The following TMEM117 variants were observed in gnomAD, a reference collection of about 807,000 sequenced individuals.
The protein encoded by TMEM117 is transmembrane protein 117.
A neutral mutation model predicts 52.4 loss-of-function variants in TMEM117; 27 were observed. The ratio of observed to expected loss-of-function variants is 0.51; its 90% CI spans 0.38 to 0.71. The LOEUF (loss-of-function observed/expected upper bound fraction) is 0.71, where lower values mean the gene tolerates loss of function less well. Ranked by LOEUF, TMEM117 falls within the 30% of genes least tolerant of loss-of-function variation. The pLI, the probability that TMEM117 is intolerant of heterozygous loss-of-function variation, is 0.00. For missense variants in TMEM117, 556 were observed against 630.5 expected, an observed-to-expected ratio of 0.88 and a Z score of 1.26; for synonymous variants, 215 against 206.3, an observed-to-expected ratio of 1.04 and a Z score of -0.36.
At chr12:43,974,538 C>G (rs1287444073) in intron 3 of TMEM117, among the ~76,000 whole-genome samples, 1 of 152,092 alleles carries the variant, frequency 6.6e-6, no homozygotes, top group East Asian at 1.9e-4. Context: ...ATTAAATAAA[C>G]TTTAGATCGG....
At chr12:43,904,514 C>T (rs1178396477) in intron 2 of TMEM117, among the ~76,000 whole-genome samples, 1 of 152,146 alleles carries the variant, frequency 6.6e-6, no homozygotes, top group African/African-American at 2.4e-5. Flanking sequence ...TCTCCTGAGG[C>T]CCCAGCCAGC....
intron 2 of TMEM117, among the ~76,000 whole-genome samples, chr12:43,845,546 A>AT (rs1565716088): frequency 3.4e-4 from 51 of 151,892 alleles, no homozygotes; most frequent in African/African-American, 1.1e-3. Context: ...TTATTTTTAA[A>AT]ATTTTTTTTA....
chr12:44,377,966 T>TTAAATTCACTGGG (rs750391464), intron 7 of TMEM117, among the ~76,000 whole-genome samples: 3 of 152,216 alleles, frequency 2.0e-5, no homozygotes, highest in Non-Finnish European at 2.9e-5. Flanking sequence ...GGCCCATCTA[T>TTAAATTCACTGGG]TAAATTCACT....
upstream of TMEM117, among the ~76,000 whole-genome samples, chr12:43,831,806 G>A (rs891274005): frequency 1.3e-5 from 2 of 152,086 alleles, no homozygotes; most frequent in East Asian, 1.9e-4. Flanking sequence ...CTTTTTCAAA[G>A]TGCTGGCATT....
chr12:44,004,746 C>T (rs533384969), intron 3 of TMEM117, among the ~76,000 whole-genome samples: 1 of 152,246 alleles, frequency 6.6e-6, no homozygotes, highest in Admixed American at 6.5e-5. Context: ...CAGCCATCAC[C>T]TCCCCTCCAT....
chr12:43,946,378 G>GTTTTTTTTTTTTTTTTTTTTTTTTTTT (rs1244597058), intron 3 of TMEM117, among the ~76,000 whole-genome samples: 2 of 113,494 alleles, frequency 1.8e-5, no homozygotes, highest in Non-Finnish European at 1.7e-5. Context: ...ATATAATTCT[G>GTTTTTTTTTTTTTTTTTTTTTTTTTTT]TTTTTTTTTT....
At chr12:44,355,604 G>T (rs1265682095) in intron 6 of TMEM117, among the ~76,000 whole-genome samples, 1 of 152,086 alleles carries the variant, frequency 6.6e-6, no homozygotes, top group Admixed American at 6.6e-5. Flanking sequence ...TGCTTTGAGA[G>T]TAGAAGGAAC....
chr12:44,063,020 T>C (rs1176750526), intron 3 of TMEM117, among the ~76,000 whole-genome samples: 2 of 152,208 alleles, frequency 1.3e-5, no homozygotes, highest in Non-Finnish European at 2.9e-5. Flanking sequence ...AATGATGTCA[T>C]GCACCTGCTG....
At chr12:44,191,989 ATTGATGTATG>A (rs1183153721) in intron 4 of TMEM117, among the ~76,000 whole-genome samples, 1 of 152,206 alleles carries the variant, frequency 6.6e-6, no homozygotes, top group Non-Finnish European at 1.5e-5. Context: ...TACAAATTTT[ATTGATGTATG>A]TAAGACCAGA....
At chr12:44,003,586 A>G (rs999181068) in intron 3 of TMEM117, among the ~76,000 whole-genome samples, 8 of 152,130 alleles carry the variant, frequency 5.3e-5, no homozygotes, top group African/African-American at 1.9e-4. Flanking sequence ...TGCCTGTGGG[A>G]TCTGGAGTTG....
intron 2 of TMEM117, among the ~76,000 whole-genome samples, chr12:43,943,095 T>C (rs1313235871): frequency 1.5e-5 from 2 of 136,142 alleles, no homozygotes; most frequent in Non-Finnish European, 3.1e-5. Context: ...GGGGAATCAC[T>C]TGAACCCGAG....
chr12:44,352,497 C>T (rs1951578556), intron 6 of TMEM117, among the ~76,000 whole-genome samples: 1 of 152,032 alleles, frequency 6.6e-6, no homozygotes, highest in African/African-American at 2.4e-5. Flanking sequence ...TTCCTGTGTC[C>T]ATGTGTTCTC....
chr12:43,797,860 G>A, the TMEM117 span: 1 of 1,604,220 alleles, frequency 6.2e-7, no homozygotes, highest in Non-Finnish European at 8.5e-7. Flanking sequence ...TAATTTACAA[G>A]TTTAGCAGTT....
chr12:44,301,179 C>T (rs1179212664), intron 6 of TMEM117, among the ~76,000 whole-genome samples: 1 of 152,114 alleles, frequency 6.6e-6, no homozygotes, highest in Non-Finnish European at 1.5e-5. Flanking sequence ...CATTACCATC[C>T]TCATGCTTCT....
At chr12:43,937,315 A>G (rs1232450372) in intron 2 of TMEM117, among the ~76,000 whole-genome samples, 7 of 152,210 alleles carry the variant, frequency 4.6e-5, no homozygotes, top group Admixed American at 4.6e-4. Flanking sequence ...AGAATTGACA[A>G]GGATAGGGAA....
Position 44,298,791 on chromosome 12 carries a change from C to A in TMEM117, c.609-789C>A, listed in dbSNP as rs146555889. Among the ~76,000 whole-genome samples the A allele has an allele frequency of 1.7e-3, 253 of 150,894 alleles. 4 individuals are homozygous for A. The Middle Eastern group carries it at 0.02, about 12-fold the overall frequency. ...ATGATATATGTCCTATGAGAACAGG[C>A]TACATTATTGGCTTTTAGAGGTGGT... On this transcript the variant is annotated intron_variant, in intron 5 of 7. Transcript: ENST00000266534.
At chr12:44,169,057 A>G (rs1373950815) in intron 4 of TMEM117, among the ~76,000 whole-genome samples, 1 of 152,136 alleles carries the variant, frequency 6.6e-6, no homozygotes, top group Non-Finnish European at 1.5e-5. Flanking sequence ...TAAGGCTCGT[A>G]TTCTATTTTG....
At chr12:43,975,453 T>C (rs546265085) in intron 3 of TMEM117, among the ~76,000 whole-genome samples, 1 of 152,280 alleles carries the variant, frequency 6.6e-6, no homozygotes, top group Non-Finnish European at 1.5e-5. Context: ...GTGTATCATT[T>C]TATTTAATGC....
intron 2 of TMEM117, among the ~76,000 whole-genome samples, chr12:43,912,168 TA>T (rs1944515650): frequency 6.7e-6 from 1 of 149,482 alleles, no homozygotes; most frequent in Admixed American, 6.7e-5. Context: ...TATGCAGCCA[TA>T]AAAAAGGATG....
Sources: gnomAD v4.1 joint callset for allele counts (sites outside exome capture counted in the v4.1 genomes callset) on GRCh38, gnomAD v4.1.1 for gene constraint, MANE v1.5 for transcripts, NCBI Gene and HGNC (gene_info 2026-07-23, HGNC 2026-07-21) for gene names.